Variants in NPL observed in about 807,000 individuals in gnomAD.
NPL encodes N-acetylneuraminate pyruvate lyase.
In NPL, 32 loss-of-function variants were observed where a neutral mutation model predicts 41.1. The observed-to-expected ratio is 0.78, with a 90% CI of 0.59 to 1.05. The LOEUF (loss-of-function observed/expected upper bound fraction) is 1.05. Among genes scored for constraint, NPL ranks in the 50% least tolerant of loss-of-function variants. The pLI is 0.00. For synonymous variants in NPL, 128 were observed against 134.9 expected (o/e 0.95, Z 0.35); for missense variants, 321 against 378.4 (o/e 0.85, Z 1.26).
chr1:182,790,522 G>T (rs1666472578), intron 1 of NPL, among the ~76,000 whole-genome samples: 1 of 152,148 alleles, frequency 6.6e-6, no homozygotes, highest in African/African-American at 2.4e-5. Flanking sequence ...TAAAAATAAT[G>T]ATAATTATCT....
At chr1:182,790,821 T>G (rs1257524724) in intron 1 of NPL, among the ~76,000 whole-genome samples, 4 of 152,166 alleles carry the variant, frequency 2.6e-5, no homozygotes, top group Admixed American at 2.6e-4. Context: ...TTTTGTATTT[T>G]TAGTAGAGAC....
chr1:182,802,129 C>T (rs1252577733), intron 3 of NPL, among the ~76,000 whole-genome samples: 2 of 152,222 alleles, frequency 1.3e-5, no homozygotes, highest in Non-Finnish European at 2.9e-5. Context: ...CCCACATCAC[C>T]ACTCCTTTGC....
chr1:182,794,229 C>G, intron 2 of NPL, 127 bp from the exon 3 acceptor site: 1 of 849,256 alleles, frequency 1.2e-6, no homozygotes, highest in Non-Finnish European at 2.0e-6. Flanking sequence ...CCATCTTGTA[C>G]TTGCTCTGTG....
At chr1:182,804,859 G>A (rs1666959293) in intron 4 of NPL, among the ~76,000 whole-genome samples, 2 of 152,186 alleles carry the variant, frequency 1.3e-5, no homozygotes, top group Admixed American at 1.3e-4. Flanking sequence ...ACAGCGCTAA[G>A]CCATAGTGGA....
At chr1:182,804,738 C>T (rs1666955423) in intron 4 of NPL, among the ~76,000 whole-genome samples, 1 of 152,142 alleles carries the variant, frequency 6.6e-6, no homozygotes, top group African/African-American at 2.4e-5. Flanking sequence ...CCTCCAGAGC[C>T]AGAGGTACCT....
chr1:182,796,759 G>A (rs983954806), intron 3 of NPL, among the ~76,000 whole-genome samples: 6 of 152,040 alleles, frequency 3.9e-5, no homozygotes, highest in Admixed American at 1.3e-4. Context: ...TCTCTCGGCC[G>A]GGCACGGTGG....
chr1:182,820,282 C>T (rs752226467), intron 10 of NPL, among the ~76,000 whole-genome samples: 3 of 152,172 alleles, frequency 2.0e-5, no homozygotes, highest in Non-Finnish European at 4.4e-5. Flanking sequence ...TGCTTCCAAG[C>T]AGATTGAATG....
intron 8 of NPL, 60 bp from the exon 9 acceptor site, chr1:182,818,481 A>T: frequency 6.2e-7 from 1 of 1,600,532 alleles, no homozygotes; most frequent in South Asian, 1.1e-5. Context: ...GCATGACACT[A>T]TATGAGATGT....
In NPL at chr1:182,799,867, G is replaced by A. The variant is rs530247639; in HGVS notation, c.69-3831G>A. Among the ~76,000 whole-genome samples, 208 of 152,252 alleles carry A rather than the reference G, an allele frequency of 1.4e-3. 1 individual carries two copies. The highest frequency in any genetic ancestry group is 3.4e-3 in the Middle Eastern group (1 of 294). On this transcript the variant is annotated intron_variant, in intron 3 of 12. Coordinates refer to ENST00000367553, the MANE Select transcript of NPL (RefSeq NM_030769.3). ...ATGACTACAGCAAGCATGGAATTTG[G>A]TTCTGGGTCACTCTCCCCTGATGTG...
rs535384020 is a variant in NPL at position 182,812,341 on chromosome 1, GGGGCT to G, written c.288+129_288+133del. Reference sequence around the variant, plus strand: ...TGAAGAAATAAGGTGTGGGATCTCAGGGGCTTACTGCATAGAAGCAGGCATTGAGC... The same window carrying G: ...TGAAGAAATAAGGTGTGGGATCTCAGTACTGCATAGAAGCAGGCATTGAGC... On this transcript the variant is annotated intron_variant, in intron 6 of 12. Transcript: ENST00000367553. The G allele has an allele frequency of 9.9e-6, 8 of 804,154 alleles. No homozygotes were observed. The African/African-American group carries it at 1.4e-4, about 14-fold the overall frequency. The allele number at this position is 804,154 out of a possible 1,614,324, so 49.8% of individuals were successfully genotyped here.
At chr1:182,819,912 G>C (rs939585657) in intron 10 of NPL, among the ~76,000 whole-genome samples, 7 of 152,236 alleles carry the variant, frequency 4.6e-5, no homozygotes, top group Non-Finnish European at 1.0e-4. Flanking sequence ...GAACCTAAGA[G>C]GAGGATGTAC....
chr1:182,808,150 G>A (rs891704630), intron 5 of NPL, among the ~76,000 whole-genome samples: 1 of 152,150 alleles, frequency 6.6e-6, no homozygotes, highest in Admixed American at 6.5e-5. Context: ...TAAAATAGAA[G>A]TAATAATCAT....
At chr1:182,802,184 G>A (rs1432450386) in intron 3 of NPL, among the ~76,000 whole-genome samples, 1 of 152,216 alleles carries the variant, frequency 6.6e-6, no homozygotes, top group African/African-American at 2.4e-5. Context: ...GCAGACAGAG[G>A]TCAGGAGGGA....
chr1:182,822,981 G>A (rs1029557986), intron 11 of NPL, among the ~76,000 whole-genome samples: 2 of 152,174 alleles, frequency 1.3e-5, no homozygotes, highest in Non-Finnish European at 2.9e-5. Context: ...CAGTCCTCCC[G>A]CCTCAGCCTC....
At chr1:182,804,420 G>A (rs1375592072) in intron 4 of NPL, among the ~76,000 whole-genome samples, 4 of 152,090 alleles carry the variant, frequency 2.6e-5, no homozygotes, top group East Asian at 1.9e-4. Flanking sequence ...GAGCCACCGC[G>A]CCCAGCCTCT....
chr1:182,827,437 A>G (rs978814494), intron 12 of NPL, among the ~76,000 whole-genome samples: 2 of 152,156 alleles, frequency 1.3e-5, no homozygotes, highest in East Asian at 3.9e-4. Flanking sequence ...CATTTACTCA[A>G]ATCTCTCATT....
chr1:182,823,401 G>A (rs77769191), intron 11 of NPL, among the ~76,000 whole-genome samples: 2 of 152,264 alleles, frequency 1.3e-5, no homozygotes, highest in East Asian at 1.9e-4. Context: ...TTCCCTACCC[G>A]TAGGCCTCAA....
chr1:182,817,462 C>A (rs977697098), intron 8 of NPL, among the ~76,000 whole-genome samples: 1 of 152,220 alleles, frequency 6.6e-6, no homozygotes, highest in Non-Finnish European at 1.5e-5. Flanking sequence ...CATTTCTCCC[C>A]ACCAACAACC....
chr1:182,793,084 T>A (rs1666561114), intron 2 of NPL, among the ~76,000 whole-genome samples: 1 of 152,264 alleles, frequency 6.6e-6, no homozygotes, highest in African/African-American at 2.4e-5. Context: ...CACTATCTTT[T>A]GTAGAATTGT....
Sources: gnomAD v4.1 joint callset for allele counts (sites outside exome capture counted in the v4.1 genomes callset) on GRCh38, gnomAD v4.1.1 for gene constraint, MANE v1.5 for transcripts, NCBI Gene and HGNC (gene_info 2026-07-23, HGNC 2026-07-21) for gene names.